The following SLC35G2 variants were observed in gnomAD, a reference collection of about 807,000 sequenced individuals.
SLC35G2 encodes solute carrier family 35 member G2.
A neutral mutation model predicts 27.2 loss-of-function variants in SLC35G2; 20 were observed. The observed-to-expected ratio is 0.74, with a 90% CI of 0.52 to 1.07. The LOEUF is 1.07. SLC35G2 is among the 50% of genes least tolerant of loss of function. The probability of loss-of-function intolerance (pLI) is 0.00; values close to 1 mark genes in which losing one functional copy is unlikely to be tolerated. For missense variants in SLC35G2, 416 were observed against 493.3 expected (o/e 0.84, Z 1.48); for synonymous variants, 148 against 165.3 (o/e 0.90, Z 0.80).
intron 1 of SLC35G2, among the ~76,000 whole-genome samples, chr3:136,844,476 G>A (rs866696457): frequency 2.7e-5 from 4 of 146,854 alleles, no homozygotes; most frequent in Middle Eastern, 3.4e-3. Context: ...GAGACAGAGC[G>A]AGACTCCGTC....
intron 1 of SLC35G2, chr3:136,842,826 A>G (rs933673714): frequency 7.2e-5 from 11 of 152,346 alleles, no homozygotes; most frequent in African/African-American, 2.4e-4. Flanking sequence ...GTGACTTGGC[A>G]TGTTCCCTTT....
intron 1 of SLC35G2, among the ~76,000 whole-genome samples, chr3:136,851,903 A>G (rs113614998): frequency 3.3e-5 from 5 of 152,350 alleles, no homozygotes; most frequent in African/African-American, 9.6e-5. Context: ...GGAATTCACA[A>G]TAACCCAAAC....
At chr3:136,851,687 T>C (rs1192011087) in intron 1 of SLC35G2, among the ~76,000 whole-genome samples, 2 of 152,072 alleles carry the variant, frequency 1.3e-5, no homozygotes, top group Non-Finnish European at 1.5e-5. Flanking sequence ...GCCAGGGTAT[T>C]GAGAGCCTGG....
chr3:136,847,739 C>A (rs1015599824), intron 1 of SLC35G2, among the ~76,000 whole-genome samples: 6 of 152,094 alleles, frequency 3.9e-5, no homozygotes, highest in African/African-American at 1.4e-4. Context: ...AAGGCTGAGG[C>A]AGATGGATCA....
At chr3:136,825,935 C>A (rs1021819982) in intron 1 of SLC35G2, among the ~76,000 whole-genome samples, 15 of 152,170 alleles carry the variant, frequency 9.9e-5, no homozygotes, top group African/African-American at 3.6e-4. Context: ...CGGAAGTATT[C>A]TCTCCTCTAT....
chr3:136,827,115 T>TA (rs1378184247), intron 1 of SLC35G2, among the ~76,000 whole-genome samples: 2 of 151,948 alleles, frequency 1.3e-5, no homozygotes, highest in African/African-American at 2.4e-5. Context: ...GTGTATCTTT[T>TA]AAAAAAACCC....
chr3:136,845,143 TCTTA>T (rs1267047387), intron 1 of SLC35G2, among the ~76,000 whole-genome samples: 2 of 152,192 alleles, frequency 1.3e-5, no homozygotes, highest in East Asian at 1.9e-4. Flanking sequence ...GTAAGAAAAA[TCTTA>T]CTGGAAGGGT....
intron 1 of SLC35G2, chr3:136,838,239 G>GCATATA (rs1259417327): frequency 9.5e-6 from 1 of 105,350 alleles, no homozygotes; most frequent in African/African-American, 4.0e-5. Context: ...TTTTGCAGTA[G>GCATATA]CATATACATA....
chr3:136,820,404 C>T (rs565402727), intron 1 of SLC35G2: 1 of 152,372 alleles, frequency 6.6e-6, no homozygotes, highest in South Asian at 2.1e-4. Flanking sequence ...TAGCCCATCT[C>T]CATGGCTGGT....
At chr3:136,846,645 T>G (rs557969031) in intron 1 of SLC35G2, 2 of 152,202 alleles carry the variant, frequency 1.3e-5, no homozygotes, top group Non-Finnish European at 2.9e-5. Flanking sequence ...GAGCAGATTG[T>G]AGAAAGTTAC....
intron 1 of SLC35G2, among the ~76,000 whole-genome samples, chr3:136,852,114 A>G (rs1339510165): frequency 1.3e-5 from 2 of 152,212 alleles, no homozygotes; most frequent in East Asian, 3.9e-4. Flanking sequence ...AAAAAAATCT[A>G]TTTGGGAGAA....
In SLC35G2 at chr3:136,855,652, T is replaced by C. The variant is rs570589131; in HGVS notation, c.1192T>C (p.Leu398=). Residue 398 remains leucine, a synonymous_variant, in exon 2 of 2, where the codon TTA becomes CTA. Coordinates refer to ENST00000446465, the MANE Select transcript of SLC35G2 (RefSeq NM_025246.3). ...LAGYKLYWRN[L]RKQDYQEILD... ...TGGCTATAAACTTTACTGGAGGAAT[T>C]TAAGAAAGCAGGACTACCAGGAAAT... The C allele has an allele frequency of 1.2e-6, 2 of 1,612,430 alleles. No homozygotes were observed. Among genetic ancestry groups the C allele is most frequent in the African/African-American group, 2.7e-5 (2 of 75,020 alleles).
Position 136,855,656 on chromosome 3 carries a change from GAAA to G in SLC35G2, c.1197_1199del (p.Lys400del). 6.2e-7 allele frequency: 1 copy of G among 1,611,048 alleles called. No individual in the cohort carries two copies. ...TATAAACTTTACTGGAGGAATTTAA[GAAA>G]GCAGGACTACCAGGAAATACTAGAC... On this transcript the variant is annotated inframe_deletion, in exon 2 of 2. Transcript: ENST00000446465.
At chr3:136,833,402 G>T (rs1156808131) in intron 1 of SLC35G2, among the ~76,000 whole-genome samples, 1 of 152,146 alleles carries the variant, frequency 6.6e-6, no homozygotes, top group Admixed American at 6.5e-5. Context: ...AGTGTTTCTA[G>T]TCATTGTAGG....
intron 1 of SLC35G2, among the ~76,000 whole-genome samples, chr3:136,825,398 A>T (rs1172428811): frequency 6.6e-6 from 1 of 151,712 alleles, no homozygotes; most frequent in Non-Finnish European, 1.5e-5. Flanking sequence ...GCACCACCAT[A>T]CCAAGGCTAA....
intron 1 of SLC35G2, among the ~76,000 whole-genome samples, chr3:136,821,108 G>GT (rs1204596524): frequency 6.6e-6 from 1 of 152,060 alleles, no homozygotes; most frequent in Admixed American, 6.6e-5. Flanking sequence ...CATTGGTATT[G>GT]TTTTTTCCTT....
intron 1 of SLC35G2, among the ~76,000 whole-genome samples, chr3:136,849,125 C>T (rs1191937075): frequency 6.6e-6 from 1 of 151,466 alleles, no homozygotes; most frequent in Admixed American, 6.6e-5. Flanking sequence ...TTGTAGTGAG[C>T]CAAGATCATG....
intron 1 of SLC35G2, chr3:136,846,421 TTTG>T: frequency 6.6e-6 from 1 of 152,216 alleles, no homozygotes; most frequent in Non-Finnish European, 1.5e-5. Context: ...GGTGGAAACA[TTTG>T]TAGCTAAGCA....
chr3:136,819,159 C>G lies in SLC35G2; in HGVS notation c.-488C>G, dbSNP rs909471908. ...CAGCGCCCGCCTCGATTTTCCCAGGCGAGGGCACGCCCGCGTCAGTCGCCT... is the reference window on the plus strand; with the variant it reads ...CAGCGCCCGCCTCGATTTTCCCAGGGGAGGGCACGCCCGCGTCAGTCGCCT... On this transcript the variant is annotated 5_prime_UTR_variant, in exon 1 of 2. Coordinates refer to ENST00000446465, the MANE Select transcript of SLC35G2 (RefSeq NM_025246.3). 1 of 152,318 alleles carries G rather than the reference C, an allele frequency of 6.6e-6. No individual in the cohort carries two copies. The highest frequency in any genetic ancestry group is 2.4e-5 in the African/African-American group (1 of 41,572). The allele number at this position is 152,318 out of a possible 1,614,324, so 9.4% of individuals were successfully genotyped here. A position where few individuals can be genotyped will look rare whatever the true frequency, so the allele number is the denominator to read the frequency against.
Sources: gnomAD v4.1 joint callset for allele counts (sites outside exome capture counted in the v4.1 genomes callset) on GRCh38, gnomAD v4.1.1 for gene constraint, MANE v1.5 for transcripts, NCBI Gene and HGNC (gene_info 2026-07-23, HGNC 2026-07-21) for gene names.